PCNT: variants seen among roughly 807,000 people sequenced by gnomAD.
The protein encoded by PCNT is kendrin.
A neutral mutation model predicts 380.4 loss-of-function variants in PCNT; 319 were observed. The ratio of observed to expected loss-of-function variants is 0.84; its 90% CI spans 0.77 to 0.92. The LOEUF is 0.92. Among genes scored for constraint, PCNT ranks in the 40% least tolerant of loss-of-function variants. PCNT has a pLI of 0.00. For synonymous variants in PCNT, 1,845 were observed against 1,735.2 expected (o/e 1.06, Z -1.57); for missense variants, 4,400 against 4,255.3 (o/e 1.03, Z -0.95).
chr21:46,399,036 G>A (rs914924823), intron 24 of PCNT, among the ~76,000 whole-genome samples: 1 of 151,998 alleles, frequency 6.6e-6, no homozygotes, highest in African/African-American at 2.4e-5. Context: ...AGCCAGGATG[G>A]TCTCCATCTC....
rs776889427 is a variant in PCNT at position 46,366,637 on chromosome 21, C to T, written c.2663C>T (p.Ala888Val). The T allele has an allele frequency of 3.7e-6, 6 of 1,613,910 alleles. No homozygotes were observed. Among genetic ancestry groups the T allele is most frequent in the African/African-American group, 2.7e-5 (2 of 74,914 alleles). ...GAGAAATTCAGTGCGGAACAAGATGCCTTCCTGCAGGAGGCCCAGGAGCAG... is the reference window on the plus strand; with the variant it reads ...GAGAAATTCAGTGCGGAACAAGATGTCTTCCTGCAGGAGGCCCAGGAGCAG... Reference protein sequence around the residue: ...ITEKFSAEQDAFLQEAQEQHA... With the variant: ...ITEKFSAEQDVFLQEAQEQHA... The change falls in exon 15 of 47, where the codon GCC (alanine) becomes GTC (valine). Residue 888 changes from alanine (A) to valine (V), a missense_variant. Coordinates refer to ENST00000359568, the MANE Select transcript of PCNT (RefSeq NM_006031.6).
At chr21:46,347,390 C>G in intron 5 of PCNT, 67 bp from the exon 6 acceptor site, 1 of 1,537,728 alleles carries the variant, frequency 6.5e-7, no homozygotes, top group East Asian at 2.2e-5. Flanking sequence ...TGGTCGTTTC[C>G]TGGGCAGTTG....
chr21:46,328,837 G>A (rs945999129), intron 2 of PCNT, among the ~76,000 whole-genome samples: 2 of 149,660 alleles, frequency 1.3e-5, no homozygotes, highest in African/African-American at 2.5e-5. Context: ...GCAGCGGCAC[G>A]CCCTCTGCTT....
chr21:46,336,857 C>G (rs2083752966), intron 3 of PCNT, among the ~76,000 whole-genome samples: 1 of 149,552 alleles, frequency 6.7e-6, no homozygotes, highest in Admixed American at 6.9e-5. Context: ...AGAGCCTAAT[C>G]CAGCACCACA....
intron 38 of PCNT, among the ~76,000 whole-genome samples, chr21:46,433,928 C>T (rs8134545): frequency 0.18 from 26,826 of 152,112 alleles, 4,362 homozygotes; most frequent in African/African-American, 0.43. Flanking sequence ...CATGTCACCA[C>T]GCCCAGCCCA....
In PCNT at chr21:46,407,410, C is replaced by T. The variant is rs189679452; in HGVS notation, c.5116-3779C>T. Among the ~76,000 whole-genome samples, 716 of 141,204 alleles carry T rather than the reference C, an allele frequency of 5.1e-3. 6 individuals are homozygous for T. The highest frequency in any genetic ancestry group is 0.017 in the African/African-American group (647 of 37,078). 92.6% of individuals were successfully genotyped at this position (141,204 alleles called of 152,430 possible). A position where few individuals can be genotyped will look rare whatever the true frequency, so the allele number is the denominator to read the frequency against. On this transcript the variant is annotated intron_variant, in intron 27 of 46. Coordinates refer to ENST00000359568, the MANE Select transcript of PCNT (RefSeq NM_006031.6). Reference sequence around the variant, plus strand: ...AGGCTGGAGTGCAATGGCGCGATCTCGGCTCCCTGCAACCTCCGCCTCCCG... The same window carrying T: ...AGGCTGGAGTGCAATGGCGCGATCTTGGCTCCCTGCAACCTCCGCCTCCCG...
rs2053435207 is a variant in PCNT at position 46,436,054 on chromosome 21, C to T, written c.8902C>T (p.Leu2968Phe). 1 of 1,613,598 alleles carries T rather than the reference C, an allele frequency of 6.2e-7. No individual in the cohort carries two copies. The highest frequency in any genetic ancestry group is 1.7e-5 in the Admixed American group (1 of 60,014). The change falls in exon 39 of 47, where the codon CTC (leucine) becomes TTC (phenylalanine). Residue 2968 changes from leucine to phenylalanine, a missense_variant. Coordinates refer to ENST00000359568, the MANE Select transcript of PCNT (RefSeq NM_006031.6). The part of the protein sequence containing the change: ...RRAAGSDADH[L>F]REQQRELEAM... ...GGCTGCCGGCTCGGATGCGGACCAC[C>T]TCCGGGAACAGCAGCGAGAGCTGGA... is the stretch of plus-strand genomic sequence containing the variant.
chr21:46,416,967 T>C, intron 30 of PCNT, 128 bp downstream of exon 30: 1 of 838,626 alleles, frequency 1.2e-6, no homozygotes, highest in Non-Finnish European at 1.8e-6. Context: ...TGGGGCCAGC[T>C]CTGCAGGACT....
intron 15 of PCNT, among the ~76,000 whole-genome samples, chr21:46,370,663 C>T (rs1284551024): frequency 3.9e-5 from 6 of 151,978 alleles, no homozygotes; most frequent in Admixed American, 3.9e-4. Context: ...CCCAGGGCTT[C>T]GGGAGGCCAC....
At chr21:46,400,512 CTTTTTTTTTTTTT>C (rs1215264897) in intron 25 of PCNT, among the ~76,000 whole-genome samples, 18 of 84,554 alleles carry the variant, frequency 2.1e-4, no homozygotes, top group Non-Finnish European at 3.8e-4. Flanking sequence ...GTGTCTGATT[CTTTTTTTTTTTTT>C]TTTTTTTTTT....
chr21:46,355,418 A>G (rs762032921), intron 11 of PCNT, 34 bp from the exon 12 acceptor site: 3 of 1,609,740 alleles, frequency 1.9e-6, no homozygotes, highest in Non-Finnish European at 2.5e-6. Context: ...AGCTTGGCTC[A>G]CTAACGTGCT....
chr21:46,411,141 C>G (rs773730479), intron 27 of PCNT, 48 bp from the exon 28 acceptor site: 4 of 1,571,864 alleles, frequency 2.5e-6, no homozygotes, highest in South Asian at 1.1e-5. Flanking sequence ...TAGGGACATT[C>G]GGAAGTGGAT....
At position 46,431,748 on chromosome 21, in the gene PCNT, C is replaced by T. The variant is rs761885630; in HGVS notation, c.8284C>T (p.Arg2762Trp). Residue 2762 changes from arginine (R) to tryptophan (W), a missense_variant, in exon 38 of 47, where the codon CGG (arginine) becomes TGG (tryptophan). Physicochemically the swap from Arg to Trp is moderately radical, Grantham distance 101. Coordinates refer to ENST00000359568, the MANE Select transcript of PCNT (RefSeq NM_006031.6). ...SRTLELSEALRHERLLTEQLS... is the reference protein window; with the variant it reads ...SRTLELSEALWHERLLTEQLS... The stretch of plus-strand genomic sequence containing the variant: ...CACCCTGGAGCTGTCAGAGGCCTTG[C>T]GGCACGAGCGGCTCCTGACCGAGCA... 2.0e-5 allele frequency: 33 copies of T among 1,612,116 alleles called. No individual in the cohort carries two copies. The highest frequency in any genetic ancestry group is 1.7e-4 in the Middle Eastern group (1 of 6,056).
intron 4 of PCNT, among the ~76,000 whole-genome samples, 160 bp downstream of exon 4, chr21:46,346,368 A>C (rs2084067820): frequency 6.6e-6 from 1 of 152,028 alleles, no homozygotes; most frequent in Admixed American, 6.6e-5. Flanking sequence ...GGGCCGGTGG[A>C]GGAGACACAC....
At chr21:46,414,434 C>T (rs2086927276) in intron 29 of PCNT, among the ~76,000 whole-genome samples, 2 of 145,920 alleles carry the variant, frequency 1.4e-5, no homozygotes, top group African/African-American at 2.6e-5. Flanking sequence ...TCCTCCTCCT[C>T]CTCCTGGACA....
At chr21:46,423,999 T>C (rs1043812252) in intron 32 of PCNT, among the ~76,000 whole-genome samples, 1 of 152,106 alleles carries the variant, frequency 6.6e-6, no homozygotes, top group African/African-American at 2.4e-5. Context: ...TTCTGGCCTG[T>C]GTTTTAGAGT....
intron 31 of PCNT, among the ~76,000 whole-genome samples, chr21:46,420,091 C>T (rs145375622): frequency 1.1e-4 from 16 of 152,246 alleles, no homozygotes; most frequent in African/African-American, 2.6e-4. Flanking sequence ...CCTCCAGTGA[C>T]GCACAACCTT....
rs140917583 is a variant in PCNT, at chr21:46,430,352, C to T, written c.7913+120C>T. The stretch of plus-strand genomic sequence containing the variant: ...CGCAGTTGGGCAGCCCCAGGGGCAC[C>T]GCGCCCTGCTGTCCCTGGGTTGATA... On this transcript the variant is annotated intron_variant, in intron 36 of 46. Transcript: ENST00000359568. 5.8e-4 allele frequency: 796 copies of T among 1,375,188 alleles called. 2 individuals carry two copies. The African/African-American group carries it at 9.3e-3, about 16-fold the overall frequency. 85.2% of individuals were successfully genotyped at this position (1,375,188 alleles called of 1,614,324 possible).
intron 32 of PCNT, among the ~76,000 whole-genome samples, chr21:46,423,427 G>T (rs1283142058): frequency 6.6e-6 from 1 of 151,602 alleles, no homozygotes; most frequent in South Asian, 2.1e-4. Context: ...CTGAGCTCAA[G>T]TAATCTGCCC....
Sources: allele counts gnomAD v4.1 joint callset (sites outside exome capture counted in the v4.1 genomes callset), GRCh38; gene constraint gnomAD v4.1.1; transcripts MANE v1.5; gene names NCBI Gene and HGNC (gene_info 2026-07-23, HGNC 2026-07-21).